ADORA2B: variants seen among roughly 807,000 people sequenced by gnomAD.
ADORA2B encodes adenosine receptor A2b.
In ADORA2B, 18 loss-of-function variants were observed where a neutral mutation model predicts 20.8. That is an observed-to-expected ratio of 0.87 (90% CI 0.60 to 1.29). ADORA2B has a LOEUF of 1.29. Among genes scored for constraint, ADORA2B ranks in the 50% most tolerant of loss-of-function variants. The probability of loss-of-function intolerance (pLI) is 0.00; values close to 1 mark genes in which losing one functional copy is unlikely to be tolerated. For synonymous variants in ADORA2B, 179 were observed against 178.3 expected (o/e 1.00, Z -0.03); for missense variants, 441 against 422.7 (o/e 1.04, Z -0.38).
the ADORA2B span, among the ~76,000 whole-genome samples, chr17:15,911,600 A>G: frequency 0.042 from 6,379 of 152,300 alleles, 435 homozygotes; most frequent in African/African-American, 0.15. Flanking sequence ...AAACTCAGCC[A>G]TTCTGGTCTC....
chr17:15,885,543 G>A, the ADORA2B span, among the ~76,000 whole-genome samples: 10 of 151,974 alleles, frequency 6.6e-5, no homozygotes, highest in Non-Finnish European at 1.2e-4. Context: ...GTGAAACCCC[G>A]ACTCTACTGA....
At chr17:15,859,986 G>A in the ADORA2B span, among the ~76,000 whole-genome samples, 19 of 152,268 alleles carry the variant, frequency 1.2e-4, no homozygotes, top group African/African-American at 4.3e-4. Context: ...CAGACAGCCC[G>A]GCACCACACC....
At chr17:15,878,184 TACACACACACAC>T in the ADORA2B span, among the ~76,000 whole-genome samples, 625 of 143,912 alleles carry the variant, frequency 4.3e-3, 6 homozygotes, top group African/African-American at 0.015. Flanking sequence ...TGTGTGTGTA[TACACACACACAC>T]ACACACACAC....
At chr17:15,925,978 A>AC in the ADORA2B span, among the ~76,000 whole-genome samples, 60 of 152,298 alleles carry the variant, frequency 3.9e-4, no homozygotes, top group Middle Eastern at 0.017. Flanking sequence ...TTAAAAAAAA[A>AC]ACAGATTTAG....
chr17:15,883,238 TAGTA>T, the ADORA2B span, among the ~76,000 whole-genome samples: 2 of 152,230 alleles, frequency 1.3e-5, no homozygotes, highest in Admixed American at 6.5e-5. Flanking sequence ...ATTATTTTCT[TAGTA>T]AGCACATCCA....
At chr17:15,909,278 A>G in the ADORA2B span, among the ~76,000 whole-genome samples, 4 of 152,158 alleles carry the variant, frequency 2.6e-5, no homozygotes, top group Non-Finnish European at 5.9e-5. Flanking sequence ...AACACACAAA[A>G]AAACACACAC....
the ADORA2B span, among the ~76,000 whole-genome samples, chr17:15,937,997 T>C: frequency 6.6e-6 from 1 of 152,224 alleles, no homozygotes; most frequent in African/African-American, 2.4e-5. Flanking sequence ...GTTTAAACTT[T>C]TCCCTCATCC....
At chr17:15,865,319 T>G in the ADORA2B span, among the ~76,000 whole-genome samples, 1 of 152,038 alleles carries the variant, frequency 6.6e-6, no homozygotes, top group Non-Finnish European at 1.5e-5. Flanking sequence ...TGGAGTGCAG[T>G]GGCGTGATCT....
At chr17:15,907,601 G>A in the ADORA2B span, among the ~76,000 whole-genome samples, 3 of 152,086 alleles carry the variant, frequency 2.0e-5, no homozygotes, top group South Asian at 6.2e-4. Context: ...AAGCTTACTT[G>A]CAAAATGAAC....
chr17:15,945,003 C>G, upstream of ADORA2B: 1 of 289,540 alleles, frequency 3.5e-6, no homozygotes, highest in Non-Finnish European at 6.4e-6. Context: ...ACTTTGGGCT[C>G]GGGCGAGTGG....
the ADORA2B span, among the ~76,000 whole-genome samples, chr17:15,928,637 GA>G: frequency 6.6e-6 from 1 of 152,188 alleles, no homozygotes; most frequent in African/African-American, 2.4e-5. Flanking sequence ...AAACTCTGGA[GA>G]ACATGCAGTT....
chr17:15,973,535 G>C (rs1269241198), intron 1 of ADORA2B, among the ~76,000 whole-genome samples: 1 of 152,232 alleles, frequency 6.6e-6, no homozygotes, highest in Non-Finnish European at 1.5e-5. Context: ...AAGGTGAGCA[G>C]GCAGGCGAGC....
the ADORA2B span, among the ~76,000 whole-genome samples, chr17:15,897,152 T>G: frequency 6.6e-6 from 1 of 152,134 alleles, no homozygotes; most frequent in African/African-American, 2.4e-5. Context: ...TTTTCCAGAA[T>G]GATGAAAGAC....
chr17:15,945,337 C>A lies in ADORA2B; in HGVS notation c.89C>A (p.Ala30Asp), dbSNP rs143900813. The change falls in exon 1 of 2, where the codon GCC (alanine) becomes GAC (aspartate). Residue 30 changes from alanine to aspartate, a missense_variant. Ala to Asp is a moderately radical substitution (Grantham distance 126). Transcript: ENST00000304222. ...GTGGCGGGCAACGTGCTGGTGTGCG[C>A]CGCGGTGGGCACGGCGAACACTCTG... ...LSVAGNVLVC[A>D]AVGTANTLQT... is the part of the protein sequence containing the mutation. The A allele has an allele frequency of 2.5e-6, 4 of 1,603,452 alleles. No homozygotes were observed. The African/African-American group carries it at 5.3e-5, about 21-fold the overall frequency.
At chr17:15,965,560 G>T (rs1208111052) in intron 1 of ADORA2B, among the ~76,000 whole-genome samples, 1 of 152,266 alleles carries the variant, frequency 6.6e-6, no homozygotes, top group Admixed American at 6.5e-5. Flanking sequence ...GTGGCCAGGG[G>T]AAGGATGTTG....
At chr17:15,898,347 G>T in the ADORA2B span, among the ~76,000 whole-genome samples, 1 of 151,926 alleles carries the variant, frequency 6.6e-6, no homozygotes, top group Non-Finnish European at 1.5e-5. Context: ...AGACTGGAGT[G>T]CAATGGCGCG....
intron 1 of ADORA2B, among the ~76,000 whole-genome samples, chr17:15,968,689 G>A (rs1388346425): frequency 6.6e-6 from 1 of 152,198 alleles, no homozygotes; most frequent in Non-Finnish European, 1.5e-5. Context: ...TGAGGTCTGT[G>A]TCCTGACTGC....
chr17:15,901,169 A>C, the ADORA2B span, among the ~76,000 whole-genome samples: 1 of 152,268 alleles, frequency 6.6e-6, no homozygotes, highest in East Asian at 1.9e-4. Flanking sequence ...AGCTATACTG[A>C]AATAGCTAAT....
the ADORA2B span, among the ~76,000 whole-genome samples, chr17:15,857,816 C>T: frequency 6.6e-6 from 1 of 152,106 alleles, no homozygotes; most frequent in Non-Finnish European, 1.5e-5. Context: ...TGGACTAATA[C>T]ACTCACATAC....
Sources: allele counts gnomAD v4.1 joint callset (sites outside exome capture counted in the v4.1 genomes callset), GRCh38; gene constraint gnomAD v4.1.1; transcripts MANE v1.5; gene names NCBI Gene and HGNC (gene_info 2026-07-23, HGNC 2026-07-21).